SUGCT: variants seen among roughly 807,000 people sequenced by gnomAD.
SUGCT encodes the protein succinyl-CoA:glutarate-CoA transferase, also known as succinyl-CoA:glutarate CoA-transferase.
In SUGCT, 41 loss-of-function variants were observed where a neutral mutation model predicts 55.0. The observed-to-expected ratio is 0.74, with a 90% CI of 0.58 to 0.97. The LOEUF is 0.97. Among genes scored for constraint, SUGCT ranks in the 50% least tolerant of loss-of-function variants. The probability of loss-of-function intolerance (pLI) is 0.00; values close to 1 mark genes in which losing one functional copy is unlikely to be tolerated. For synonymous variants in SUGCT, 187 were observed against 200.4 expected, an observed-to-expected ratio of 0.93 and a Z score of 0.56; for missense variants, 568 against 547.8, an observed-to-expected ratio of 1.04 and a Z score of -0.37.
chr7:40,974,968 A>G, the SUGCT span, among the ~76,000 whole-genome samples: 1 of 152,224 alleles, frequency 6.6e-6, no homozygotes, highest in Non-Finnish European at 1.5e-5. Context: ...CTCTGAGAGT[A>G]AAATAAATCT....
At chr7:40,968,500 T>G in the SUGCT span, among the ~76,000 whole-genome samples, 1 of 152,154 alleles carries the variant, frequency 6.6e-6, no homozygotes, top group Non-Finnish European at 1.5e-5. Context: ...ACTGGAGAGC[T>G]GAGAAACTAA....
intron 9 of SUGCT, among the ~76,000 whole-genome samples, chr7:40,321,867 A>G (rs1227910962): frequency 2.0e-5 from 3 of 152,106 alleles, no homozygotes; most frequent in Non-Finnish European, 4.4e-5. Context: ...TGATTTTGTT[A>G]TTGTGAATAG....
the SUGCT span, among the ~76,000 whole-genome samples, chr7:40,915,994 C>G: frequency 6.6e-6 from 1 of 151,484 alleles, no homozygotes; most frequent in Admixed American, 6.6e-5. Context: ...TTTACTTTTT[C>G]TTTCTGGAGA....
At chr7:40,823,924 C>T (rs951519862) in intron 13 of SUGCT, among the ~76,000 whole-genome samples, 1 of 152,064 alleles carries the variant, frequency 6.6e-6, no homozygotes, top group Non-Finnish European at 1.5e-5. Context: ...TAAATAATAG[C>T]TAACGTTTAA....
At chr7:40,151,021 G>A (rs888651548) in intron 1 of SUGCT, among the ~76,000 whole-genome samples, 12 of 152,180 alleles carry the variant, frequency 7.9e-5, no homozygotes, top group Non-Finnish European at 1.5e-4. Context: ...CGGATTGCAA[G>A]ATCAGGAGAT....
At chr7:40,907,486 A>G in the SUGCT span, among the ~76,000 whole-genome samples, 1 of 152,202 alleles carries the variant, frequency 6.6e-6, no homozygotes, top group African/African-American at 2.4e-5. Flanking sequence ...CTAGCCTTGT[A>G]AAGCAGTGCC....
At chr7:40,958,042 A>G in the SUGCT span, among the ~76,000 whole-genome samples, 1 of 152,128 alleles carries the variant, frequency 6.6e-6, no homozygotes, top group Non-Finnish European at 1.5e-5. Context: ...TGTTAGTGTG[A>G]TGGGCCTCCC....
At chr7:40,203,730 G>A (rs746041379) in intron 6 of SUGCT, among the ~76,000 whole-genome samples, 2 of 150,774 alleles carry the variant, frequency 1.3e-5, no homozygotes, top group Non-Finnish European at 2.9e-5. Context: ...AGCTGAGATC[G>A]CACCATTGCA....
chr7:40,504,639 G>A (rs547036533), intron 12 of SUGCT, among the ~76,000 whole-genome samples: 1 of 152,176 alleles, frequency 6.6e-6, no homozygotes, highest in Admixed American at 6.5e-5. Flanking sequence ...TCACCATGTT[G>A]GCCAGGCTGG....
chr7:40,546,621 C>T (rs1428256651), intron 12 of SUGCT: 1 of 152,126 alleles, frequency 6.6e-6, no homozygotes, highest in African/African-American at 2.4e-5. Flanking sequence ...CTCTTAGACT[C>T]ATAGAATAGA....
chr7:40,857,529 A>G (rs1366091343), intron 13 of SUGCT, among the ~76,000 whole-genome samples: 2 of 152,166 alleles, frequency 1.3e-5, no homozygotes, highest in Non-Finnish European at 2.9e-5. Flanking sequence ...AACTGGTAGC[A>G]TAGTCTTCAG....
chr7:40,913,848 A>T, the SUGCT span, among the ~76,000 whole-genome samples: 1 of 152,240 alleles, frequency 6.6e-6, no homozygotes, highest in African/African-American at 2.4e-5. Flanking sequence ...GCACAAGCTC[A>T]TGGAAGACCT....
intron 11 of SUGCT, 102 bp from the exon 12 acceptor site, chr7:40,496,182 A>G (rs915000885): frequency 1.9e-5 from 13 of 692,662 alleles, no homozygotes; most frequent in South Asian, 3.9e-5. Flanking sequence ...TAGGAAACAT[A>G]GTTTTATGAC....
chr7:40,647,427 A>C (rs1030431656), intron 12 of SUGCT, among the ~76,000 whole-genome samples: 3 of 152,176 alleles, frequency 2.0e-5, no homozygotes, highest in Non-Finnish European at 4.4e-5. Flanking sequence ...TGCTGGTCAA[A>C]TTATCGGTGA....
intron 13 of SUGCT, among the ~76,000 whole-genome samples, chr7:40,787,042 C>T (rs776541911): frequency 5.3e-5 from 8 of 152,216 alleles, no homozygotes; most frequent in East Asian, 1.9e-4. Flanking sequence ...CTCAGTCCTC[C>T]GCTGTCAGAA....
rs554311274 is a variant in SUGCT, at chr7:40,620,888, A to G, written c.1089+124502A>G. On this transcript the variant is annotated intron_variant, in intron 12 of 13. Coordinates refer to ENST00000335693, the MANE Select transcript of SUGCT (RefSeq NM_001193313.2). ...CAAAACAGTAGGGGAAACTTCATCTATCTTTAGGTGGAAATAGTCTTGGTG... is the reference window on the plus strand; with the variant it reads ...CAAAACAGTAGGGGAAACTTCATCTGTCTTTAGGTGGAAATAGTCTTGGTG... 2.2e-4 allele frequency among the ~76,000 whole-genome samples: 33 copies of G among 152,286 alleles called. No individual in the cohort carries two copies. In the South Asian group the frequency reaches 2.7e-3, roughly 12 times the overall value.
the SUGCT span, among the ~76,000 whole-genome samples, chr7:40,972,228 ATCTAT>A: frequency 6.6e-6 from 1 of 152,204 alleles, no homozygotes; most frequent in Non-Finnish European, 1.5e-5. Flanking sequence ...TACCTTGTGT[ATCTAT>A]GTACCACAAT....
the SUGCT span, among the ~76,000 whole-genome samples, chr7:40,885,283 C>A: frequency 1.3e-5 from 2 of 152,088 alleles, no homozygotes; most frequent in Non-Finnish European, 2.9e-5. Context: ...TGGAGAGAAA[C>A]CAGAGTTTGT....
At chr7:40,972,918 G>A in the SUGCT span, among the ~76,000 whole-genome samples, 2 of 152,154 alleles carry the variant, frequency 1.3e-5, no homozygotes, top group African/African-American at 2.4e-5. Context: ...GCTCCTGCAG[G>A]TTTGCTTTCT....
Sources: allele counts gnomAD v4.1 joint callset (sites outside exome capture counted in the v4.1 genomes callset), GRCh38; gene constraint gnomAD v4.1.1; transcripts MANE v1.5; gene names NCBI Gene and HGNC (gene_info 2026-07-23, HGNC 2026-07-21).